Variants in MCTP2 observed in about 807,000 individuals in gnomAD.
MCTP2 encodes multiple C2 and transmembrane domain-containing protein 2.
In MCTP2, 132 loss-of-function variants were observed where a neutral mutation model predicts 111.6. The ratio of observed to expected loss-of-function variants is 1.18; its 90% CI spans 1.03 to 1.37. The LOEUF (loss-of-function observed/expected upper bound fraction) is 1.37, where lower values mean the gene tolerates loss of function less well. Among genes scored for constraint, MCTP2 ranks in the 40% most tolerant of loss-of-function variants. The pLI is 0.00. For missense variants in MCTP2, 1,183 were observed against 1,067.9 expected, an observed-to-expected ratio of 1.11 and a Z score of -1.50; for synonymous variants, 395 against 387.7, an observed-to-expected ratio of 1.02 and a Z score of -0.22.
At chr15:94,428,704 G>C (rs1375523588) in intron 17 of MCTP2, among the ~76,000 whole-genome samples, 1 of 151,960 alleles carries the variant, frequency 6.6e-6, no homozygotes, top group Non-Finnish European at 1.5e-5. Flanking sequence ...TCTGTGGTCT[G>C]TGTCTTCAAT....
intron 12 of MCTP2, among the ~76,000 whole-genome samples, chr15:94,371,148 A>G (rs2079463982): frequency 6.6e-6 from 1 of 152,008 alleles, no homozygotes. Context: ...AGTTCTCCTC[A>G]CCCTGCTCAA....
chr15:94,390,522 C>G (rs1190111440), intron 14 of MCTP2, among the ~76,000 whole-genome samples: 1 of 152,012 alleles, frequency 6.6e-6, no homozygotes, highest in African/African-American at 2.4e-5. Flanking sequence ...GAAAATCAGG[C>G]TGGATTCTTC....
intron 20 of MCTP2, among the ~76,000 whole-genome samples, chr15:94,463,228 G>A (rs1176543585): frequency 6.6e-6 from 1 of 152,184 alleles, no homozygotes; most frequent in African/African-American, 2.4e-5. Context: ...TCTAATATAT[G>A]AGCTTGTTAT....
chr15:94,298,837 C>CCCCTCCCT, intron 2 of MCTP2, 107 bp downstream of exon 2: 2 of 429,548 alleles, frequency 4.7e-6, no homozygotes, highest in East Asian at 3.9e-5. Context: ...CCTCCCCCTC[C>CCCCTCCCT]CTCTCTCTTC....
chr15:94,357,547 GT>G (rs796565271), intron 9 of MCTP2, among the ~76,000 whole-genome samples: 92 of 132,842 alleles, frequency 6.9e-4, no homozygotes, highest in Middle Eastern at 3.6e-3. Context: ...GGCTTTTCTT[GT>G]TTTTTTTTTT....
In MCTP2 at chr15:94,314,462, G is replaced by T. The variant is rs543039655; in HGVS notation, c.528+118G>T. On this transcript the variant is annotated intron_variant, in intron 3 of 22. Transcript: ENST00000357742. ...AAAAAAAAAAAAAAAATGCCAAACC[G>T]TATCCACTTACAAAACCAGGCCTTG... The T allele has an allele frequency of 2.0e-5, 15 of 733,850 alleles. No homozygotes were observed. In the African/African-American group the frequency reaches 2.4e-4, roughly 12 times the overall value. The allele number at this position is 733,850 out of a possible 1,614,324, so 45.5% of individuals were successfully genotyped here.
At chr15:94,243,639 A>G (rs1336097452) in intron 1 of MCTP2, among the ~76,000 whole-genome samples, 13 of 148,834 alleles carry the variant, frequency 8.7e-5, no homozygotes, top group Non-Finnish European at 1.3e-4. Context: ...ATGCGTATAT[A>G]CATATATATG....
chr15:94,236,810 G>T (rs979462170), intron 1 of MCTP2, among the ~76,000 whole-genome samples: 17 of 152,168 alleles, frequency 1.1e-4, no homozygotes, highest in Non-Finnish European at 2.4e-4. Context: ...CAGTGAGTCA[G>T]CAGGAAAGGC....
intron 14 of MCTP2, among the ~76,000 whole-genome samples, chr15:94,392,924 G>A (rs1029374651): frequency 6.6e-6 from 1 of 151,936 alleles, no homozygotes; most frequent in Non-Finnish European, 1.5e-5. Flanking sequence ...CTATTGCATA[G>A]GATTGTTTGG....
At chr15:94,251,759 T>G (rs1264482007) in intron 1 of MCTP2, among the ~76,000 whole-genome samples, 4 of 152,188 alleles carry the variant, frequency 2.6e-5, no homozygotes, top group Non-Finnish European at 4.4e-5. Context: ...TTTGTGTAAC[T>G]GAAACTGTGT....
At chr15:94,415,439 G>C (rs113193166) in intron 17 of MCTP2, among the ~76,000 whole-genome samples, 2 of 152,252 alleles carry the variant, frequency 1.3e-5, no homozygotes, top group African/African-American at 4.8e-5. Flanking sequence ...TGTTTACATA[G>C]TGAAAACGAC....
rs546543936 is a variant in MCTP2, at chr15:94,384,073, C to T, written c.1634C>T (p.Thr545Met). 8.8e-5 allele frequency: 142 copies of T among 1,613,922 alleles called. 3 individuals carry two copies. The highest frequency in any genetic ancestry group is 3.3e-4 in the Middle Eastern group (2 of 6,058). Residue 545 changes from threonine (T) to methionine (M), a missense_variant, in exon 13 of 23, where the codon ACG (threonine) becomes ATG (methionine). Physicochemically the swap from Thr to Met is moderately conservative, Grantham distance 81 (BLOSUM62 -1). Transcript: ENST00000357742. ...LLELGNDRLQ[T>M]HTVYKNLNPE... The stretch of plus-strand genomic sequence containing the variant: ...GAGTTAGGCAATGACCGACTTCAGA[C>T]GCATACCGTCTACAAAAACCTCAAC...
chr15:94,287,311 G>A (rs2074807203), intron 1 of MCTP2, among the ~76,000 whole-genome samples: 1 of 150,564 alleles, frequency 6.6e-6, no homozygotes, highest in Admixed American at 6.6e-5. Flanking sequence ...TGTTTATTTT[G>A]TTGTTTTATT....
chr15:94,367,547 A>T, intron 10 of MCTP2, 58 bp from the exon 11 acceptor site: 1 of 1,328,592 alleles, frequency 7.5e-7, no homozygotes, highest in Non-Finnish European at 1.1e-6. Context: ...CTTTGGAGGT[A>T]CTGCAGTGGC....
At chr15:94,362,611 A>G (rs1246003111) in intron 10 of MCTP2, among the ~76,000 whole-genome samples, 1 of 151,960 alleles carries the variant, frequency 6.6e-6, no homozygotes, top group Non-Finnish European at 1.5e-5. Flanking sequence ...CACATTCACC[A>G]TTTTCCTCCT....
chr15:94,263,234 G>A (rs1487062438), intron 1 of MCTP2, among the ~76,000 whole-genome samples: 2 of 152,198 alleles, frequency 1.3e-5, no homozygotes, highest in Non-Finnish European at 2.9e-5. Context: ...CGGCTGAATA[G>A]TGAATGGGCA....
chr15:94,454,736 AAC>A (rs2084696791), intron 19 of MCTP2, among the ~76,000 whole-genome samples: 1 of 152,170 alleles, frequency 6.6e-6, no homozygotes, highest in Admixed American at 6.5e-5. Context: ...ATGGCCAAAA[AAC>A]ACTTTATTTT....
chr15:94,298,255 T>C lies in MCTP2; in HGVS notation c.-11T>C, dbSNP rs2075367550. The C allele has an allele frequency of 6.3e-7, 1 of 1,588,598 alleles. No homozygotes were observed. The highest frequency in any genetic ancestry group is 1.8e-5 in the Admixed American group (1 of 55,986). On this transcript the variant is annotated 5_prime_UTR_variant, in exon 2 of 23. Transcript: ENST00000357742. ...CTTCTGAGAAGTGGCTTCTTGGGTC[T>C]TCATGCAGCCATGGATCTGGATAAA...
intron 3 of MCTP2, among the ~76,000 whole-genome samples, chr15:94,315,159 C>G (rs1380866851): frequency 6.6e-6 from 1 of 152,118 alleles, no homozygotes; most frequent in Non-Finnish European, 1.5e-5. Flanking sequence ...TCTTGGGAGC[C>G]AGGCCTGCAG....
Sources: gnomAD v4.1 joint callset for allele counts (sites outside exome capture counted in the v4.1 genomes callset) on GRCh38, gnomAD v4.1.1 for gene constraint, MANE v1.5 for transcripts, NCBI Gene and HGNC (gene_info 2026-07-23, HGNC 2026-07-21) for gene names.